Variants in TENM3 observed in about 807,000 individuals in gnomAD.
The protein encoded by TENM3 is teneurin-3.
In TENM3, 63 loss-of-function variants were observed where a neutral mutation model predicts 255.1. That is an observed-to-expected ratio of 0.25 (90% CI 0.20 to 0.30). The LOEUF (loss-of-function observed/expected upper bound fraction) is 0.30. Among genes scored for constraint, TENM3 ranks in the 10% least tolerant of loss-of-function variants. The pLI is 1.00. For missense variants in TENM3, 2,929 were observed against 3,461.1 expected, an observed-to-expected ratio of 0.85 and a Z score of 3.86; for synonymous variants, 1,306 against 1,322.3, an observed-to-expected ratio of 0.99 and a Z score of 0.27.
At chr4:182,533,356 A>G (rs557223447) in intron 3 of TENM3, among the ~76,000 whole-genome samples, 1 of 152,058 alleles carries the variant, frequency 6.6e-6, no homozygotes, top group Admixed American at 6.5e-5. Flanking sequence ...GTTTAAGACT[A>G]GCCAGAGCAA....
chr4:182,016,200 G>A, the TENM3 span, among the ~76,000 whole-genome samples: 6 of 152,116 alleles, frequency 3.9e-5, no homozygotes, highest in East Asian at 1.9e-4. Flanking sequence ...TCTATCACAC[G>A]AAACATTGTT....
intron 1 of TENM3, among the ~76,000 whole-genome samples, chr4:182,196,149 C>T (rs1010763129): frequency 2.0e-5 from 3 of 152,028 alleles, no homozygotes; most frequent in African/African-American, 7.3e-5. Context: ...TGTTTTCATC[C>T]CCACGCCATC....
the TENM3 span, among the ~76,000 whole-genome samples, chr4:182,091,846 T>C: frequency 6.6e-6 from 1 of 152,044 alleles, no homozygotes; most frequent in African/African-American, 2.4e-5. Flanking sequence ...CCAAACAAAA[T>C]AGAGAAGGGT....
intron 3 of TENM3, among the ~76,000 whole-genome samples, chr4:182,557,728 C>CT (rs1207368408): frequency 6.6e-6 from 1 of 152,146 alleles, no homozygotes; most frequent in Non-Finnish European, 1.5e-5. Context: ...TCTGTGCTCT[C>CT]TCCCCCAGCC....
chr4:182,150,522 A>T (rs1750267513), intron 1 of TENM3, among the ~76,000 whole-genome samples: 1 of 152,056 alleles, frequency 6.6e-6, no homozygotes, highest in African/African-American at 2.4e-5. Context: ...ACAGTTGCTT[A>T]TACTGATGGA....
the TENM3 span, among the ~76,000 whole-genome samples, chr4:181,612,515 TG>T: frequency 6.6e-6 from 1 of 151,478 alleles, no homozygotes; most frequent in African/African-American, 2.4e-5. Context: ...TGTGTGTGTG[TG>T]TGTGTGTCAG....
chr4:181,540,714 C>T, the TENM3 span, among the ~76,000 whole-genome samples: 1 of 152,096 alleles, frequency 6.6e-6, no homozygotes, highest in Non-Finnish European at 1.5e-5. Context: ...ATCTGACCAG[C>T]GCTCCTCAAA....
intron 1 of TENM3, among the ~76,000 whole-genome samples, chr4:182,182,575 A>T (rs1208365925): frequency 6.6e-6 from 1 of 152,162 alleles, no homozygotes; most frequent in Non-Finnish European, 1.5e-5. Flanking sequence ...TCTCTTGATG[A>T]TCTAATTATT....
chr4:182,045,293 A>G, the TENM3 span, among the ~76,000 whole-genome samples: 160 of 152,128 alleles, frequency 1.1e-3, no homozygotes, highest in African/African-American at 3.6e-3. Flanking sequence ...TACCCAAGGA[A>G]GCGTTCAGGC....
the TENM3 span, among the ~76,000 whole-genome samples, chr4:182,090,241 C>A: frequency 5.3e-5 from 8 of 152,098 alleles, no homozygotes; most frequent in Non-Finnish European, 1.0e-4. Context: ...AAACACAGCC[C>A]CAGTCTCTGG....
At chr4:181,603,944 G>C in the TENM3 span, among the ~76,000 whole-genome samples, 75 of 152,264 alleles carry the variant, frequency 4.9e-4, no homozygotes, top group Non-Finnish European at 1.5e-5. Flanking sequence ...AGAAGTCTTC[G>C]TTAACAGATA....
At chr4:181,882,261 A>G in the TENM3 span, among the ~76,000 whole-genome samples, 1 of 152,320 alleles carries the variant, frequency 6.6e-6, no homozygotes, top group East Asian at 1.9e-4. Flanking sequence ...TGAGAAGCAA[A>G]TGGATTAATT....
At chr4:181,558,412 C>T in the TENM3 span, among the ~76,000 whole-genome samples, 1 of 152,188 alleles carries the variant, frequency 6.6e-6, no homozygotes, top group Non-Finnish European at 1.5e-5. Context: ...AACAGTTTGG[C>T]CACAGCTCTG....
intron 2 of TENM3, among the ~76,000 whole-genome samples, chr4:182,329,238 A>C (rs867092191): frequency 6.6e-6 from 1 of 152,054 alleles, no homozygotes; most frequent in Non-Finnish European, 1.5e-5. Context: ...GCCAGAAGAG[A>C]GTGTGGAATG....
At chr4:182,775,933 AAGAT>A (rs1424663543) in intron 24 of TENM3, among the ~76,000 whole-genome samples, 14 of 152,110 alleles carry the variant, frequency 9.2e-5, no homozygotes, top group Non-Finnish European at 1.6e-4. Flanking sequence ...ATACCATAAC[AAGAT>A]AGATAGGAGA....
the TENM3 span, among the ~76,000 whole-genome samples, chr4:181,903,263 A>G: frequency 6.6e-6 from 1 of 152,168 alleles, no homozygotes; most frequent in African/African-American, 2.4e-5. Context: ...TATATTTGCT[A>G]TGATTGTTCA....
intron 7 of TENM3, among the ~76,000 whole-genome samples, chr4:182,679,031 G>T (rs1274944219): frequency 6.6e-6 from 1 of 152,152 alleles, no homozygotes; most frequent in Non-Finnish European, 1.5e-5. Context: ...TGGACACAGG[G>T]AGGGGAACAT....
At chr4:182,246,612 T>C (rs1456378601) in intron 1 of TENM3, among the ~76,000 whole-genome samples, 2 of 152,188 alleles carry the variant, frequency 1.3e-5, no homozygotes, top group African/African-American at 4.8e-5. Context: ...GTCTCGTCCG[T>C]ATGTGACAAA....
chr4:182,163,267 G>T (rs1324331741), intron 1 of TENM3, among the ~76,000 whole-genome samples: 1 of 152,050 alleles, frequency 6.6e-6, no homozygotes, highest in East Asian at 1.9e-4. Context: ...CATTTTTCTA[G>T]ATTGCCCCTG....
Sources: allele counts gnomAD v4.1 joint callset (sites outside exome capture counted in the v4.1 genomes callset), GRCh38; gene constraint gnomAD v4.1.1; transcripts MANE v1.5; gene names NCBI Gene and HGNC (gene_info 2026-07-23, HGNC 2026-07-21).